ATP13A1: variants seen among roughly 807,000 people sequenced by gnomAD.
ATP13A1 encodes endoplasmic reticulum transmembrane helix translocase.
In ATP13A1, 55 loss-of-function variants were observed where a neutral mutation model predicts 134.8. The ratio of observed to expected loss-of-function variants is 0.41; its 90% confidence interval spans 0.33 to 0.51. The LOEUF is 0.51. Among genes scored for constraint, ATP13A1 ranks in the 20% least tolerant of loss-of-function variants. ATP13A1 has a pLI of 0.29. For synonymous variants in ATP13A1, 775 were observed against 725.1 expected (o/e 1.07, Z -1.10); for missense variants, 1,389 against 1,652.8 (o/e 0.84, Z 2.77).
chr19:19,663,544 C>T lies in ATP13A1; in HGVS notation c.123G>A (p.Ala41=). The stretch of plus-strand genomic sequence containing the variant: ...CCAGCTCGTCACCGTTCGCTATGAG[C>T]GCCGGCCCGGCGGCAAGGAGCGCGC... The part of the protein sequence containing the change: ...QPRALLAAGP[A]LIANGDELVA... The change falls in exon 1 of 26, where the codon GCG becomes GCA. Residue 41 remains alanine, a synonymous_variant. Coordinates refer to ENST00000357324, the MANE Select transcript of ATP13A1 (RefSeq NM_020410.3). The T allele has an allele frequency of 6.6e-7, 1 of 1,518,164 alleles. No individual in the cohort carries two copies. The highest frequency in any genetic ancestry group is 2.0e-5 in the Admixed American group (1 of 49,112). 94.0% of individuals were successfully genotyped at this position (1,518,164 alleles called of 1,614,324 possible). A position where few individuals can be genotyped will look rare whatever the true frequency, so the allele number is the denominator to read the frequency against.
intron 19 of ATP13A1, among the ~76,000 whole-genome samples, chr19:19,648,763 C>T (rs887126662): frequency 6.6e-5 from 9 of 136,416 alleles, no homozygotes; most frequent in Non-Finnish European, 1.1e-4. Flanking sequence ...GAGCTGAGAC[C>T]GTGCTATTGC....
intron 12 of ATP13A1, 111 bp from the exon 13 acceptor site, chr19:19,654,811 T>C: frequency 7.5e-7 from 1 of 1,331,818 alleles, no homozygotes; most frequent in South Asian, 1.4e-5. Context: ...GTCACTGGGG[T>C]GGCTTGGGCG....
At chr19:19,657,228 G>A (rs2062065124) in intron 4 of ATP13A1, 79 bp from the exon 5 acceptor site, 2 of 1,486,948 alleles carry the variant, frequency 1.3e-6, no homozygotes, top group African/African-American at 2.8e-5. Context: ...GATCTGATAT[G>A]TGAGGGTGGG....
At chr19:19,650,793 G>A (rs1332354297) in intron 17 of ATP13A1, 1 of 152,500 alleles carries the variant, frequency 6.6e-6, no homozygotes, top group African/African-American at 2.4e-5. Flanking sequence ...CAGCAGCCCT[G>A]TGGCAACACT....
At chr19:19,657,455 G>A (rs1435335026) in intron 3 of ATP13A1, 47 bp from the exon 4 acceptor site, 1 of 1,533,634 alleles carries the variant, frequency 6.5e-7, no homozygotes, top group Admixed American at 2.0e-5. Flanking sequence ...AGGCCTCTGG[G>A]GTATGGAGTC....
Position 19,655,804 on chromosome 19 carries a change from TGGG to T in ATP13A1, c.1269+71_1269+73del. 6.5e-7 allele frequency: 1 copy of T among 1,538,144 alleles called. No homozygotes were observed. The highest frequency in any genetic ancestry group is 2.4e-5 in the East Asian group (1 of 41,134). On this transcript the variant is annotated intron_variant, in intron 9 of 25. Coordinates refer to ENST00000357324, the MANE Select transcript of ATP13A1 (RefSeq NM_020410.3). This position sits in a 1 kb window ranked among gnomAD's most constrained non-coding sequence, Gnocchi z 5.7. ...GAGTCAGCCCGTGGGGCAGATGTTC[TGGG>T]GTCGGAAAGGGCTGATACCTTGGCT...
At chr19:19,650,061 C>T in intron 17 of ATP13A1, 121 bp from the exon 18 acceptor site, 1 of 885,990 alleles carries the variant, frequency 1.1e-6, no homozygotes, top group East Asian at 2.7e-5. Flanking sequence ...ACCTCCCTAC[C>T]CACCCAGGTG....
In ATP13A1 at chr19:19,663,517, C is replaced by T. The variant is rs888591407; in HGVS notation, c.150G>A (p.Val50=). 6 of 1,533,210 alleles carry T rather than the reference C, an allele frequency of 3.9e-6. No homozygotes were observed. The highest frequency in any genetic ancestry group is 5.2e-6 in the Non-Finnish European group (6 of 1,145,530). The allele number at this position is 1,533,210 out of a possible 1,614,324, so 95.0% of individuals were successfully genotyped here. Residue 50 remains valine, a synonymous_variant, in exon 1 of 26, where the codon GTG becomes GTA. Transcript: ENST00000357324. ...PALIANGDEL[V]AAVWPYRRLA... is the part of the protein sequence containing the mutation. ...ACCGCCGGTACGGCCACACGGCAGC[C>T]ACCAGCTCGTCACCGTTCGCTATGA... is the stretch of plus-strand genomic sequence containing the variant.
In ATP13A1 at chr19:19,653,539, G is replaced by A. The variant is rs1402242974; in HGVS notation, c.2100+245C>T. On this transcript the variant is annotated intron_variant, in intron 15 of 25. Transcript: ENST00000357324. This position sits in a 1 kb window ranked among gnomAD's most constrained non-coding sequence, Gnocchi z 4.2. Reference sequence around the variant, plus strand: ...AGACCAGGGCAAAAGAGTAGAGCTAGGGACACACCAGGACTGGGGCAGGTA... The same window carrying A: ...AGACCAGGGCAAAAGAGTAGAGCTAAGGACACACCAGGACTGGGGCAGGTA... 2 of 566,202 alleles carry A rather than the reference G, an allele frequency of 3.5e-6. No homozygotes were observed. Among genetic ancestry groups the A allele is most frequent in the Non-Finnish European group, 3.1e-6 (1 of 320,690 alleles). 35.1% of individuals were successfully genotyped at this position (566,202 alleles called of 1,614,324 possible).
intron 1 of ATP13A1, 128 bp downstream of exon 1, chr19:19,663,143 G>GC (rs1372600016): frequency 1.3e-5 from 17 of 1,326,766 alleles, no homozygotes; most frequent in Non-Finnish European, 1.7e-5. Context: ...TGTAGAGGGT[G>GC]CCCCTGGGAA....
rs1474300684 is a variant in ATP13A1, at chr19:19,657,047, T to A, written c.853A>T (p.Met285Leu). 1.9e-6 allele frequency: 3 copies of A among 1,568,342 alleles called. No homozygotes were observed. Among genetic ancestry groups the A allele is most frequent in the Non-Finnish European group, 2.6e-6 (3 of 1,156,732 alleles). The change falls in exon 5 of 26, where the codon ATG becomes TTG. Residue 285 changes from methionine (M) to leucine (L), a missense_variant. Coordinates refer to ENST00000357324, the MANE Select transcript of ATP13A1 (RefSeq NM_020410.3). ...AFEASLVQQQ[M>L]RNMSEIRKMG... Reference sequence around the variant, plus strand: ...TTCCGGATCTCCGACATGTTCCGCATCTGCTGCTGCACCAGCGAGGCCTCG... The same window carrying A: ...TTCCGGATCTCCGACATGTTCCGCAACTGCTGCTGCACCAGCGAGGCCTCG...
At chr19:19,654,813 G>T in intron 12 of ATP13A1, 113 bp from the exon 13 acceptor site, 1 of 1,294,192 alleles carries the variant, frequency 7.7e-7, no homozygotes, top group Non-Finnish European at 1.0e-6. Flanking sequence ...CACTGGGGTG[G>T]CTTGGGCGCC....
chr19:19,648,565 T>C (rs946144720), intron 19 of ATP13A1, among the ~76,000 whole-genome samples: 1 of 151,088 alleles, frequency 6.6e-6, no homozygotes, highest in Non-Finnish European at 1.5e-5. Flanking sequence ...TCCCAGCACT[T>C]TGGGAGGCCA....
Position 19,645,712 on chromosome 19 carries a change from C to G in ATP13A1, c.3439G>C (p.Gly1147Arg). ...TCGGGCGAGGAGCCGAGGAGCAGGC[C>G]AATGATGGCCAGGAGTGAAACTGCC... ...SLAVSLLAII[G>R]LLLGSSPDFN... The change falls in exon 25 of 26, where the codon GGC becomes CGC. Residue 1147 changes from glycine (G) to arginine (R), a missense_variant. By Grantham distance (125) the Gly-to-Arg change is moderately radical (BLOSUM62 -2). This residue lies in a region of ATP13A1 where 228 missense variants were observed against 321.0 expected (regional missense o/e 0.71). Coordinates refer to ENST00000357324, the MANE Select transcript of ATP13A1 (RefSeq NM_020410.3). This position sits in a 1 kb window ranked among gnomAD's most constrained non-coding sequence, Gnocchi z 4.1. 1 of 1,591,650 alleles carries G rather than the reference C, an allele frequency of 6.3e-7. No homozygotes were observed. Among genetic ancestry groups the G allele is most frequent in the Non-Finnish European group, 8.5e-7 (1 of 1,169,648 alleles).
Position 19,647,779 on chromosome 19 carries a change from C to G in ATP13A1, c.2633-20G>C, listed in dbSNP as rs1434814030. On this transcript the variant is annotated intron_variant, in intron 19 of 25. Transcript: ENST00000357324. The surrounding 1 kb of genome is among the most constrained non-coding windows in gnomAD (Gnocchi z 4.8). Reference sequence around the variant, plus strand: ...CCACACCTGGGGGGCAGGAGGGTGTCAGACCCGGAGGAGCAGGCTCCACGG... The same window carrying G: ...CCACACCTGGGGGGCAGGAGGGTGTGAGACCCGGAGGAGCAGGCTCCACGG... The G allele has an allele frequency of 2.5e-6, 4 of 1,577,328 alleles. No homozygotes were observed. In the Admixed American group the frequency reaches 7.1e-5, roughly 28 times the overall value.
rs1219866490 is a variant in ATP13A1, at chr19:19,645,506, C to G, written c.3531G>C (p.Leu1177=). Residue 1177 remains leucine, a synonymous_variant, in exon 26 of 26, where the codon CTG becomes CTC. Transcript: ENST00000357324. The surrounding 1 kb of genome is among the most constrained non-coding windows in gnomAD (Gnocchi z 4.1). ...VEFKLVIAQV[L]LLDFCLALLA... ...GGAGCGCCAGGCAGAAGTCCAGGAGCAGGACCTGGGCAATGACCAGCTTGA... is the reference window on the plus strand; with the variant it reads ...GGAGCGCCAGGCAGAAGTCCAGGAGGAGGACCTGGGCAATGACCAGCTTGA... 17 of 1,605,716 alleles carry G rather than the reference C, an allele frequency of 1.1e-5. No individual in the cohort carries two copies.
rs1599435969 is a variant in ATP13A1, at chr19:19,657,372, G to A, written c.714C>T (p.Phe238=). The A allele has an allele frequency of 6.4e-7, 1 of 1,573,706 alleles. No homozygotes were observed. The highest frequency in any genetic ancestry group is 8.6e-7 in the Non-Finnish European group (1 of 1,159,162). ...EMVVPDFSEL[F]KERATAPFFV... Reference sequence around the variant, plus strand: ...AGAAGGGGGCTGTGGCTCTCTCCTTGAAAAGCTCCGAGAAGTCAGGCACCA... The same window carrying A: ...AGAAGGGGGCTGTGGCTCTCTCCTTAAAAAGCTCCGAGAAGTCAGGCACCA... The change falls in exon 4 of 26, where the codon TTC becomes TTT. Residue 238 remains phenylalanine (F), a synonymous_variant. Coordinates refer to ENST00000357324, the MANE Select transcript of ATP13A1 (RefSeq NM_020410.3).
chr19:19,650,579 T>G (rs1177692924), intron 17 of ATP13A1: 1 of 153,444 alleles, frequency 6.5e-6, no homozygotes, highest in East Asian at 1.9e-4. Flanking sequence ...TAGACCAGCT[T>G]CGCTTGTCAA....
At chr19:19,652,983 G>A in intron 15 of ATP13A1, 1 of 467,454 alleles carries the variant, frequency 2.1e-6, no homozygotes, top group East Asian at 3.9e-5. Context: ...ACATCACAGA[G>A]TCCCTTGTGG....
Sources: allele counts gnomAD v4.1 joint callset (sites outside exome capture counted in the v4.1 genomes callset), GRCh38; gene constraint gnomAD v4.1.1; regional missense constraint gnomAD v4.1.1; non-coding constraint Gnocchi (gnomAD v3.1); transcripts MANE v1.5; gene names NCBI Gene and HGNC (gene_info 2026-07-23, HGNC 2026-07-21).